Variants in LALBA observed in about 807,000 individuals in gnomAD.
LALBA encodes the protein alpha-lactalbumin.
LALBA carries 12 observed loss-of-function variants against 13.4 expected under a neutral mutation model. The observed-to-expected ratio is 0.89, with a 90% CI of 0.57 to 1.45. The LOEUF is 1.45. Ranked by LOEUF, LALBA falls within the 40% of genes most tolerant of loss-of-function variation. The probability of loss-of-function intolerance (pLI) is 0.00; values close to 1 mark genes in which losing one functional copy is unlikely to be tolerated. For missense variants in LALBA, 145 were observed against 165.9 expected (o/e 0.87, Z 0.69); for synonymous variants, 64 against 61.0 (o/e 1.05, Z -0.23).
Position 48,567,963 on chromosome 12 carries a change from C to A in LALBA, c.423G>T (p.Lys141Asn). 6.2e-7 allele frequency: 1 copy of A among 1,605,690 alleles called. No individual in the cohort carries two copies. Among genetic ancestry groups the A allele is most frequent in the Admixed American group, 1.7e-5 (1 of 58,760 alleles). The change falls in exon 4 of 4, where the codon AAG (lysine) becomes AAT (asparagine). Residue 141 changes from lysine to asparagine, a missense_variant. Lys to Asn is a moderately conservative substitution (Grantham distance 94). Coordinates refer to ENST00000301046, the MANE Select transcript of LALBA (RefSeq NM_002289.3). ...TGCCAAGGACAGCAGACACTCACAA[C>A]TTCTCACAAAGCCACTGTTCCAGCT... ...TEKLEQWLCEKL is the reference protein window; with the variant it reads ...TEKLEQWLCENL
chr12:48,570,594 G>C (rs915838188), upstream of LALBA, among the ~76,000 whole-genome samples: 1 of 152,112 alleles, frequency 6.6e-6, no homozygotes, highest in Non-Finnish European at 1.5e-5. Context: ...CTCAGAAATA[G>C]GAATAGAATA....
chr12:48,568,861 C>T (rs973850213), intron 2 of LALBA, among the ~76,000 whole-genome samples: 2 of 152,212 alleles, frequency 1.3e-5, no homozygotes, highest in Admixed American at 6.5e-5. Context: ...TCTCAGACAG[C>T]TCCGATTGTC....
Position 48,569,662 on chromosome 12 carries a change from G to A in LALBA, c.133+226C>T, listed in dbSNP as rs369269775. Among the ~76,000 whole-genome samples the A allele has an allele frequency of 2.5e-3, 387 of 152,130 alleles. 2 individuals are homozygous for A. The highest frequency in any genetic ancestry group is 3.4e-3 in the Non-Finnish European group (228 of 68,002). On this transcript the variant is annotated intron_variant, in intron 1 of 3. Transcript: ENST00000301046. ...GAGGAGGCGGAGGTTGCAGTGAGCCGAGATTACACCATTGCACTCCAGTCT... is the reference window on the plus strand; with the variant it reads ...GAGGAGGCGGAGGTTGCAGTGAGCCAAGATTACACCATTGCACTCCAGTCT...
At chr12:48,568,437 A>G (rs1174029796) in intron 3 of LALBA, 80 bp downstream of exon 3, 4 of 809,568 alleles carry the variant, frequency 4.9e-6, no homozygotes, top group Admixed American at 2.1e-5. Context: ...ACCAAGAGAT[A>G]GGGTAAGAGG....
chr12:48,569,948 A>C lies in LALBA; in HGVS notation c.73T>G (p.Cys25Gly), dbSNP rs1555147894. The C allele has an allele frequency of 6.2e-7, 1 of 1,613,936 alleles. No individual in the cohort carries two copies. Among genetic ancestry groups the C allele is most frequent in the Non-Finnish European group, 8.5e-7 (1 of 1,180,002 alleles). ...PAILAKQFTK[C>G]ELSQLLKDID... ...TCTTTCAGCAGCTGGGACAGCTCACATTTTGTGAATTGCTTGGCCAGGATG... is the reference window on the plus strand; with the variant it reads ...TCTTTCAGCAGCTGGGACAGCTCACCTTTTGTGAATTGCTTGGCCAGGATG... The change falls in exon 1 of 4, where the codon TGT becomes GGT. Residue 25 changes from cysteine to glycine, a missense_variant. Coordinates refer to ENST00000301046, the MANE Select transcript of LALBA (RefSeq NM_002289.3).
intron 2 of LALBA, 34 bp downstream of exon 2, chr12:48,569,048 A>G: frequency 6.4e-7 from 1 of 1,561,970 alleles, no homozygotes; most frequent in Non-Finnish European, 8.6e-7. Context: ...AGGCCTCAGA[A>G]AAACAGAGAA....
At chr12:48,568,475 GAGA>G (rs1195357274) in intron 3 of LALBA, 39 bp downstream of exon 3, 1 of 1,129,660 alleles carries the variant, frequency 8.9e-7, no homozygotes, top group Non-Finnish European at 1.4e-6. Context: ...ATGGGGTAAG[GAGA>G]AGGAGGATGG....
chr12:48,570,476 T>C (rs753788396), upstream of LALBA, among the ~76,000 whole-genome samples: 6 of 152,120 alleles, frequency 3.9e-5, no homozygotes, highest in Non-Finnish European at 7.3e-5. Context: ...GGGGTGTATG[T>C]CATCACATGC....
rs766111432 is a variant in LALBA, at chr12:48,570,033, C to T, written c.-13G>A. 2 of 1,613,634 alleles carry T rather than the reference C, an allele frequency of 1.2e-6. No individual in the cohort carries two copies. Among genetic ancestry groups the T allele is most frequent in the Non-Finnish European group, 1.7e-6 (2 of 1,179,838 alleles). ...CAAAGAACCTCATTTTGGCTACCCCCAAGAACCTGAAATGGAAGCATCACT... is the reference window on the plus strand; with the variant it reads ...CAAAGAACCTCATTTTGGCTACCCCTAAGAACCTGAAATGGAAGCATCACT... On this transcript the variant is annotated 5_prime_UTR_variant, in exon 1 of 4. Transcript: ENST00000301046.
Position 48,569,886 on chromosome 12 carries a change from A to G in LALBA, c.133+2T>C, listed in dbSNP as rs1250330637. ...GATGAAACACAGAGGCAGGGAACTC[A>G]CATTCAGGCAAAGCGATGCCTCCAT... is the stretch of plus-strand genomic sequence containing the variant. On this transcript the variant is annotated splice_donor_variant, in intron 1 of 3. Coordinates refer to ENST00000301046, the MANE Select transcript of LALBA (RefSeq NM_002289.3). LOFTEE classifies it high-confidence loss of function. The G allele has an allele frequency of 1.2e-6, 2 of 1,613,678 alleles. No individual in the cohort carries two copies. Among genetic ancestry groups the G allele is most frequent in the Non-Finnish European group, 1.7e-6 (2 of 1,179,784 alleles).
upstream of LALBA, chr12:48,570,140 G>A (rs1938616214): frequency 9.2e-7 from 1 of 1,089,520 alleles, no homozygotes; most frequent in Non-Finnish European, 1.3e-6. Flanking sequence ...AATGAAGAGA[G>A]ACTGGTCATG....
chr12:48,568,678 T>A, intron 2 of LALBA, 86 bp from the exon 3 acceptor site: 1 of 776,342 alleles, frequency 1.3e-6, no homozygotes, highest in Non-Finnish European at 2.2e-6. Flanking sequence ...CTGGATCCAG[T>A]GGGTTCTCTA....
chr12:48,570,440 C>G (rs558748502), upstream of LALBA, among the ~76,000 whole-genome samples: 21 of 152,224 alleles, frequency 1.4e-4, no homozygotes, highest in African/African-American at 4.1e-4. Flanking sequence ...CCCCTTCCCC[C>G]CTAGAGACAT....
upstream of LALBA, among the ~76,000 whole-genome samples, chr12:48,570,438 C>T (rs1938619504): frequency 6.6e-6 from 1 of 152,124 alleles, no homozygotes. Context: ...TCCCCCTTCC[C>T]CCCTAGAGAC....
chr12:48,571,620 G>A (rs532018846), upstream of LALBA, among the ~76,000 whole-genome samples: 121 of 152,064 alleles, frequency 8.0e-4, no homozygotes, highest in Admixed American at 3.5e-3. Context: ...TCTGAGCTCA[G>A]GCAATTTGCC....
chr12:48,567,753 G>A lies in LALBA; in HGVS notation c.*204C>T, dbSNP rs377712391. The A allele has an allele frequency of 5.0e-5, 27 of 536,584 alleles. No individual in the cohort carries two copies. The highest frequency in any genetic ancestry group is 4.0e-4 in the African/African-American group (21 of 52,174). 33.2% of individuals were successfully genotyped at this position (536,584 alleles called of 1,614,324 possible). On this transcript the variant is annotated 3_prime_UTR_variant, in exon 4 of 4. Transcript: ENST00000301046. ...TGCTGTAGTGAAAGTGCCATCGAAG[G>A]CACTGAGTAAGGGTCTAGAGCTCAG... is the stretch of plus-strand genomic sequence containing the variant.
chr12:48,571,520 G>A (rs955977849), upstream of LALBA, among the ~76,000 whole-genome samples: 2 of 150,970 alleles, frequency 1.3e-5, no homozygotes, highest in African/African-American at 4.9e-5. Flanking sequence ...GAGTAGCTGG[G>A]ACTACAGGCA....
At chr12:48,569,417 T>C (rs1184176267) in intron 1 of LALBA, among the ~76,000 whole-genome samples, 177 bp from the exon 2 acceptor site, 3 of 151,486 alleles carry the variant, frequency 2.0e-5, no homozygotes, top group East Asian at 3.9e-4. Context: ...AAAGAAAGGA[T>C]AGGAAAATAA....
chr12:48,569,747 T>A (rs908075915), intron 1 of LALBA, 141 bp downstream of exon 1: 2 of 740,970 alleles, frequency 2.7e-6, no homozygotes, highest in African/African-American at 3.6e-5. Flanking sequence ...TATACATACA[T>A]GAAATAAAAG....
Sources: allele counts gnomAD v4.1 joint callset (sites outside exome capture counted in the v4.1 genomes callset), GRCh38; gene constraint gnomAD v4.1.1; transcripts MANE v1.5; gene names NCBI Gene and HGNC (gene_info 2026-07-23, HGNC 2026-07-21).